Variants in COL4A5 observed in about 807,000 individuals in gnomAD.
The protein encoded by COL4A5 is collagen type IV alpha 5 chain, also known as collagen alpha-5(IV) chain.
A neutral mutation model predicts 130.2 loss-of-function variants in COL4A5; 26 were observed. The observed-to-expected ratio is 0.20, with a 90% CI of 0.15 to 0.28. The LOEUF is 0.28. Ranked by LOEUF, COL4A5 falls within the 10% of genes least tolerant of loss-of-function variation. COL4A5 has a pLI of 1.00. For missense variants in COL4A5, 1,131 were observed against 1,344.3 expected, an observed-to-expected ratio of 0.84 and a Z score of 2.48; for synonymous variants, 496 against 439.6, an observed-to-expected ratio of 1.13 and a Z score of -1.60.
intron 3 of COL4A5, among the ~76,000 whole-genome samples, chrX:108,561,233 G>A (rs1380147475): frequency 9.0e-6 from 1 of 111,635 alleles, no homozygotes; most frequent in East Asian, 2.8e-4. Context: ...AACTACCCGG[G>A]ACAGGCAATC....
intron 1 of COL4A5, among the ~76,000 whole-genome samples, chrX:108,488,297 A>G (rs931951101): frequency 1.8e-5 from 2 of 112,930 alleles, no homozygotes; most frequent in Non-Finnish European, 3.7e-5. Flanking sequence ...ACATGGTATT[A>G]TTTGTTTGTA....
chrX:108,457,164 A>G (rs1361985905), intron 1 of COL4A5, among the ~76,000 whole-genome samples: 6 of 112,223 alleles, frequency 5.3e-5, no homozygotes, highest in African/African-American at 1.9e-4. Context: ...TGCTGTGAAT[A>G]TTTGTAAACA....
intron 36 of COL4A5, chrX:108,626,553 CTT>C: frequency 7.9e-6 from 9 of 1,136,794 alleles, no homozygotes; most frequent in Non-Finnish European, 1.0e-5. Context: ...AAAGGGAAAA[CTT>C]TCTGGTTTCT....
chrX:108,696,098 G>A (rs2068728314), intron 52 of COL4A5, 199 bp from the exon 53 acceptor site: 2 of 414,782 alleles, frequency 4.8e-6, no homozygotes. Flanking sequence ...GGGGAGAATC[G>A]TTACAAAATA....
chrX:108,653,158 C>G (rs1211437790), intron 36 of COL4A5, among the ~76,000 whole-genome samples: 1 of 110,814 alleles, frequency 9.0e-6, no homozygotes, highest in African/African-American at 3.3e-5. Flanking sequence ...TTTTCAGAAG[C>G]CCTAATAAAA....
intron 1 of COL4A5, among the ~76,000 whole-genome samples, chrX:108,497,323 T>A (rs1603256622): frequency 8.9e-6 from 1 of 112,238 alleles, no homozygotes. Context: ...AATGCTGCTA[T>A]GAATATTTGT....
At chrX:108,513,266 C>T (rs1273698718) in intron 1 of COL4A5, among the ~76,000 whole-genome samples, 1 of 110,345 alleles carries the variant, frequency 9.1e-6, no homozygotes, top group Admixed American at 9.6e-5. Flanking sequence ...CCACCGCACT[C>T]CAGCCTGGGC....
At chrX:108,468,293 A>G (rs971741724) in intron 1 of COL4A5, among the ~76,000 whole-genome samples, 1 of 111,257 alleles carries the variant, frequency 9.0e-6, no homozygotes, top group African/African-American at 3.3e-5. Flanking sequence ...TATGAAAAAA[A>G]TATATCTGCA....
intron 37 of COL4A5, 132 bp from the exon 38 acceptor site, chrX:108,665,375 A>G: frequency 2.1e-6 from 1 of 475,497 alleles, no homozygotes; most frequent in Non-Finnish European, 3.7e-6. Flanking sequence ...TAGCCAACAA[A>G]CACCAGCATC....
rs780453784 is a variant in COL4A5 at position 108,546,551 on chromosome X, T to G, written c.141+6746T>G. Among the ~76,000 whole-genome samples, 5 of 111,796 alleles carry G rather than the reference T, an allele frequency of 4.5e-5. No homozygotes were observed. The East Asian group carries it at 1.4e-3, about 31-fold the overall frequency. On this transcript the variant is annotated intron_variant, in intron 2 of 52. Transcript: ENST00000328300. ...CTGGCTGCCCTTAGCTTTTTTTCCT[T>G]CATTTCAACTTTGGTGAATCTGACA...
chrX:108,459,970 A>T (rs964134462), intron 1 of COL4A5, among the ~76,000 whole-genome samples: 5 of 112,118 alleles, frequency 4.5e-5, no homozygotes, highest in African/African-American at 9.7e-5. Context: ...AATTTTTTTT[A>T]AAAAAATATA....
chrX:108,647,747 A>G (rs1356714847), intron 36 of COL4A5, among the ~76,000 whole-genome samples: 1 of 111,669 alleles, frequency 9.0e-6, no homozygotes, highest in Non-Finnish European at 1.9e-5. Flanking sequence ...TTATTTTGAG[A>G]TACATCCCAT....
intron 30 of COL4A5, among the ~76,000 whole-genome samples, chrX:108,616,327 C>T (rs1398552062): frequency 1.2e-4 from 13 of 110,387 alleles, no homozygotes; most frequent in Non-Finnish European, 2.1e-4. Flanking sequence ...CTGCAACCTC[C>T]TGGGCTCAAA....
chrX:108,664,370 A>C (rs1045320899), intron 37 of COL4A5, among the ~76,000 whole-genome samples: 1 of 111,945 alleles, frequency 8.9e-6, no homozygotes, highest in Non-Finnish European at 1.9e-5. Context: ...TCGTATGGGG[A>C]AAAAACAAAA....
At chrX:108,587,851 A>G (rs1391950728) in intron 19 of COL4A5, among the ~76,000 whole-genome samples, 1 of 111,222 alleles carries the variant, frequency 9.0e-6, no homozygotes, top group East Asian at 2.8e-4. Flanking sequence ...ATTACACCAA[A>G]CAATTCTTAA....
chrX:108,490,339 A>G (rs1200610660), intron 1 of COL4A5, among the ~76,000 whole-genome samples: 2 of 111,527 alleles, frequency 1.8e-5, no homozygotes, highest in Non-Finnish European at 3.8e-5. Context: ...AATGTCCTCT[A>G]TCGAAGTTCT....
Position 108,569,014 on chromosome X carries a change from C to G in COL4A5, c.384+193C>G, listed in dbSNP as rs893563021. The G allele has an allele frequency of 4.3e-5, 18 of 417,633 alleles. No individual in the cohort carries two copies. The East Asian group carries it at 5.8e-4, about 13-fold the overall frequency. The allele number at this position is 417,633 out of a possible 1,213,427, so 34.4% of individuals were successfully genotyped here. ...AATTTCATTAAACATGTATAATTAG[C>G]TGGGATATTGCATTGGGTTAAAGAT... On this transcript the variant is annotated intron_variant, in intron 6 of 52. Coordinates refer to ENST00000328300, the MANE Select transcript of COL4A5 (RefSeq NM_033380.3).
chrX:108,653,031 A>G (rs941221745), intron 36 of COL4A5, among the ~76,000 whole-genome samples: 5 of 111,839 alleles, frequency 4.5e-5, no homozygotes, highest in Non-Finnish European at 7.5e-5. Flanking sequence ...AGATTTTCTG[A>G]GCACTGTCTT....
chrX:108,461,844 C>T (rs113715016), intron 1 of COL4A5, among the ~76,000 whole-genome samples: 1 of 111,930 alleles, frequency 8.9e-6, no homozygotes, highest in African/African-American at 3.3e-5. Flanking sequence ...ATCCGCCTGC[C>T]TTGGCCTCCA....
Sources: gnomAD v4.1 joint callset for allele counts (sites outside exome capture counted in the v4.1 genomes callset) on GRCh38, gnomAD v4.1.1 for gene constraint, MANE v1.5 for transcripts, NCBI Gene and HGNC (gene_info 2026-07-23, HGNC 2026-07-21) for gene names.